Variants in TUB observed in about 807,000 individuals in gnomAD.
TUB encodes the protein TUB bipartite transcription factor, also known as tubby protein homolog.
In TUB, 33 loss-of-function variants were observed where a neutral mutation model predicts 59.7. The ratio of observed to expected loss-of-function variants is 0.55; its 90% CI spans 0.42 to 0.74. The LOEUF (loss-of-function observed/expected upper bound fraction) is 0.74, where lower values mean the gene tolerates loss of function less well. Ranked by LOEUF, TUB falls within the 30% of genes least tolerant of loss-of-function variation. TUB has a pLI of 0.00. For missense variants in TUB, 659 were observed against 672.0 expected (o/e 0.98, Z 0.21); for synonymous variants, 293 against 256.4 (o/e 1.14, Z -1.36).
intron 2 of TUB, among the ~76,000 whole-genome samples, chr11:8,058,536 T>A (rs1267937626): frequency 6.6e-6 from 1 of 152,254 alleles, no homozygotes; most frequent in African/African-American, 2.4e-5. Context: ...GAAAAAATAC[T>A]ACTAATGCAG....
upstream of TUB, among the ~76,000 whole-genome samples, chr11:8,038,385 C>T (rs36206810): frequency 0.013 from 1,926 of 152,260 alleles, 29 homozygotes; most frequent in Middle Eastern, 0.027. Context: ...CCTAGATCTT[C>T]CATCAGTCCC....
At chr11:8,094,687 C>T (rs555716601) in intron 4 of TUB, among the ~76,000 whole-genome samples, 1 of 152,342 alleles carries the variant, frequency 6.6e-6, no homozygotes, top group South Asian at 2.1e-4. Flanking sequence ...CCCTCTGCTC[C>T]TCTTTCTCCA....
upstream of TUB, chr11:8,077,018 T>C (rs566407805): frequency 9.7e-4 from 148 of 152,330 alleles, no homozygotes; most frequent in African/African-American, 3.2e-3. Flanking sequence ...TGGCCACCCA[T>C]AGTTATGCTA....
At chr11:8,069,642 G>A (rs754201833) in intron 2 of TUB, among the ~76,000 whole-genome samples, 111 of 152,164 alleles carry the variant, frequency 7.3e-4, no homozygotes, top group Middle Eastern at 3.4e-3. Context: ...CTCATTAGCC[G>A]TCATCGGAAA....
rs1342591121 is a variant in TUB at position 8,101,509 on chromosome 11, G to C, written c.1411G>C (p.Gly471Arg). ...AGCGGACTACATCGTGATGCAGTTT[G>C]GCCGGGTAGCAGAGGATGTGTTCAC... The part of the protein sequence containing the change: ...NDPDYIVMQF[G>R]RVAEDVFTMD... Residue 471 changes from glycine (G) to arginine (R), a missense_variant, in exon 12 of 12, where the codon GGC becomes CGC. Gly to Arg is a moderately radical substitution (Grantham distance 125). Transcript: ENST00000299506. 6.2e-7 allele frequency: 1 copy of C among 1,614,112 alleles called. No homozygotes were observed. The highest frequency in any genetic ancestry group is 1.3e-5 in the African/African-American group (1 of 74,932).
At chr11:8,100,725 C>G in intron 10 of TUB, 101 bp from the exon 11 acceptor site, 1 of 1,562,252 alleles carries the variant, frequency 6.4e-7, no homozygotes, top group Non-Finnish European at 8.8e-7. Flanking sequence ...CCCTGGAGGT[C>G]TAGGGAAATC....
chr11:8,034,003 G>A (rs973258126), upstream of TUB, among the ~76,000 whole-genome samples: 1 of 152,194 alleles, frequency 6.6e-6, no homozygotes, highest in African/African-American at 2.4e-5. Context: ...TAGAATTTTG[G>A]GGCATACCCG....
intron 2 of TUB, among the ~76,000 whole-genome samples, chr11:8,073,118 C>G (rs1943388243): frequency 6.6e-6 from 1 of 152,180 alleles, no homozygotes; most frequent in Non-Finnish European, 1.5e-5. Context: ...GCTGCTGCCT[C>G]CATAGGTCTT....
At chr11:8,081,815 C>T (rs1168930506) in intron 1 of TUB, among the ~76,000 whole-genome samples, 1 of 152,212 alleles carries the variant, frequency 6.6e-6, no homozygotes, top group Admixed American at 6.5e-5. Flanking sequence ...ATGTGGCCGC[C>T]TGGGGAAGGA....
intron 1 of TUB, among the ~76,000 whole-genome samples, chr11:8,082,077 C>T (rs1943579300): frequency 6.6e-6 from 1 of 152,232 alleles, no homozygotes; most frequent in African/African-American, 2.4e-5. Context: ...TTCTTGGGCT[C>T]ACAAAGACAC....
upstream of TUB, chr11:8,077,659 G>A (rs1943471556): frequency 6.6e-6 from 1 of 152,246 alleles, no homozygotes; most frequent in African/African-American, 2.4e-5. Context: ...GGGAAGGCTT[G>A]TCCTAACCTT....
chr11:8,089,920 CCT>C lies in TUB; in HGVS notation c.91-148_91-147del, dbSNP rs1322518560. On this transcript the variant is annotated intron_variant, in intron 2 of 11. Coordinates refer to ENST00000299506, the MANE Select transcript of TUB (RefSeq NM_177972.3). ...ATCCTGCCAGGGCAGCCACCTGGGC[CCT>C]GTTTTGCCTCCCTTTCCTGGACCCC... 5 of 1,235,112 alleles carry C rather than the reference CCT, an allele frequency of 4.0e-6. No homozygotes were observed. The African/African-American group carries it at 7.6e-5, about 19-fold the overall frequency. 76.5% of individuals were successfully genotyped at this position (1,235,112 alleles called of 1,614,324 possible). A position where few individuals can be genotyped will look rare whatever the true frequency, so the allele number is the denominator to read the frequency against.
At chr11:8,084,341 G>A (rs1295148479) in intron 1 of TUB, among the ~76,000 whole-genome samples, 1 of 152,218 alleles carries the variant, frequency 6.6e-6, no homozygotes, top group Admixed American at 6.5e-5. Flanking sequence ...GAGCCATTGA[G>A]TTTATAAAGT....
At chr11:8,072,253 C>T (rs553047811) in intron 2 of TUB, among the ~76,000 whole-genome samples, 21 of 152,306 alleles carry the variant, frequency 1.4e-4, no homozygotes, top group Admixed American at 7.8e-4. Context: ...AGTCTTCACG[C>T]GTCGCCTCCT....
chr11:8,074,326 C>T (rs1403460131), intron 2 of TUB, among the ~76,000 whole-genome samples: 3 of 152,142 alleles, frequency 2.0e-5, no homozygotes, highest in Non-Finnish European at 2.9e-5. Flanking sequence ...GTGTCTCTCA[C>T]TCTAGGCATC....
intron 2 of TUB, among the ~76,000 whole-genome samples, chr11:8,042,579 G>A (rs1184346339): frequency 7.2e-5 from 11 of 152,082 alleles, no homozygotes; most frequent in Admixed American, 7.2e-4. Flanking sequence ...GTATATGAGG[G>A]TCTCAGTTTT....
intron 2 of TUB, among the ~76,000 whole-genome samples, chr11:8,072,856 C>G (rs1943383471): frequency 6.6e-6 from 1 of 152,072 alleles, no homozygotes; most frequent in African/African-American, 2.4e-5. Flanking sequence ...AATGCTAACA[C>G]AAAAAACAAT....
intron 2 of TUB, among the ~76,000 whole-genome samples, chr11:8,069,928 C>A (rs899990499): frequency 1.3e-5 from 2 of 152,210 alleles, no homozygotes; most frequent in South Asian, 4.1e-4. Flanking sequence ...CAAACTCTCA[C>A]TGCTGCCCAC....
chr11:8,065,275 T>G (rs1322626042), intron 2 of TUB, among the ~76,000 whole-genome samples: 1 of 152,134 alleles, frequency 6.6e-6, no homozygotes, highest in African/African-American at 2.4e-5. Context: ...TCCCTTTCCC[T>G]CTCATTCCTG....
Sources: gnomAD v4.1 joint callset for allele counts (sites outside exome capture counted in the v4.1 genomes callset) on GRCh38, gnomAD v4.1.1 for gene constraint, MANE v1.5 for transcripts, NCBI Gene and HGNC (gene_info 2026-07-23, HGNC 2026-07-21) for gene names.